Variants in SSPN observed in about 807,000 individuals in gnomAD.
The protein encoded by SSPN is sarcospan.
Under a neutral mutation model 19.1 loss-of-function variants are expected in SSPN, and 15 were observed. That is an observed-to-expected ratio of 0.78 (90% confidence interval 0.52 to 1.21). The LOEUF (loss-of-function observed/expected upper bound fraction) is 1.21, where lower values mean the gene tolerates loss of function less well. Ranked by LOEUF, SSPN falls within the 50% of genes most tolerant of loss-of-function variation. The pLI, the probability that SSPN is intolerant of heterozygous loss-of-function variation, is 0.00. For synonymous variants in SSPN, 147 were observed against 140.3 expected (o/e 1.05, Z -0.34); for missense variants, 291 against 314.0 (o/e 0.93, Z 0.55).
chr12:26,154,510 G>A (rs376080728), intron 1 of SSPN, among the ~76,000 whole-genome samples: 12 of 152,180 alleles, frequency 7.9e-5, no homozygotes, highest in Admixed American at 6.5e-4. Context: ...CTCTTAAGGG[G>A]CACTAAGCAG....
chr12:26,200,971 G>A (rs886497420), intron 1 of SSPN, among the ~76,000 whole-genome samples: 1 of 131,702 alleles, frequency 7.6e-6, no homozygotes, highest in Admixed American at 8.3e-5. Context: ...TATAAAAATG[G>A]AATGCAATTG....
rs183132774 is a variant in SSPN, at chr12:26,161,310, C to T, written c.-31+39158C>T. ...CCCTCACTCCATTCTACCCATATGG[C>T]CTGCTTGCTGTTTCTTGAACCCACC... On this transcript the variant is annotated intron_variant, in intron 1 of 2. Transcript: ENST00000538142. Among the ~76,000 whole-genome samples, 336 of 152,108 alleles carry T rather than the reference C, an allele frequency of 2.2e-3. 3 individuals are homozygous for T. The highest frequency in any genetic ancestry group is 7.9e-3 in the African/African-American group (329 of 41,494).
chr12:26,213,201 G>A (rs1459013133), intron 1 of SSPN, among the ~76,000 whole-genome samples: 1 of 152,052 alleles, frequency 6.6e-6, no homozygotes, highest in African/African-American at 2.4e-5. Flanking sequence ...ATGCAGCTGG[G>A]CATGGGACAT....
At chr12:26,123,786 C>T in intron 1 of SSPN, 1 of 1,316,716 alleles carries the variant, frequency 7.6e-7, no homozygotes, top group Non-Finnish European at 1.1e-6. Context: ...TACTTAAAAA[C>T]ACACATTTGG....
rs776822855 is a variant in SSPN at position 26,151,381 on chromosome 12, TA to T, written c.-31+29239del. 1.0e-3 allele frequency among the ~76,000 whole-genome samples: 150 copies of T among 149,402 alleles called. 1 individual carries two copies. In the East Asian group the frequency reaches 0.014, roughly 14 times the overall value. On this transcript the variant is annotated intron_variant, in intron 1 of 2. Transcript: ENST00000538142. ...CCCTATTTAGATCTCTTCTCAACCA[TA>T]AAAAAAAAATCACATGCATTGTGTT...
At chr12:26,177,048 A>G (rs1944688360) in intron 1 of SSPN, among the ~76,000 whole-genome samples, 1 of 152,198 alleles carries the variant, frequency 6.6e-6, no homozygotes, top group Non-Finnish European at 1.5e-5. Flanking sequence ...TTTATTCTTA[A>G]GGTAATAACA....
intron 1 of SSPN, among the ~76,000 whole-genome samples, chr12:26,204,178 C>T (rs571671673): frequency 6.6e-6 from 1 of 152,242 alleles, no homozygotes; most frequent in Admixed American, 6.5e-5. Flanking sequence ...TTTCTTGGAA[C>T]AGCTAGAAGT....
chr12:26,122,377 C>T, intron 1 of SSPN: 1 of 1,206,914 alleles, frequency 8.3e-7, no homozygotes, highest in African/African-American at 1.6e-5. Flanking sequence ...GCGGCAGCCG[C>T]CGCCGGGTAC....
rs528002473 is a variant in SSPN, at chr12:26,174,161, C to T, written c.-30-50132C>T. Among the ~76,000 whole-genome samples the T allele has an allele frequency of 1.1e-4, 16 of 152,196 alleles. No homozygotes were observed. In the East Asian group the frequency reaches 2.9e-3, roughly 28 times the overall value. ...AAAAATAAATCAGGAAACTTCTTTG[C>T]GGTAGCCATGAGAAATGTTAGGCAT... On this transcript the variant is annotated intron_variant, in intron 1 of 2. Coordinates refer to the SSPN transcript ENST00000538142.
Position 26,147,264 on chromosome 12 carries a change from G to GT in SSPN, c.-31+25112_-31+25113insT, listed in dbSNP as rs935820526. 4.8e-4 allele frequency among the ~76,000 whole-genome samples: 43 copies of GT among 90,152 alleles called. No individual in the cohort carries two copies. In the East Asian group the frequency reaches 0.014, roughly 30 times the overall value. 59.1% of individuals were successfully genotyped at this position (90,152 alleles called of 152,430 possible). On this transcript the variant is annotated intron_variant, in intron 1 of 2. Transcript: ENST00000538142. ...TGAGAAAATGAAAACGATAATTTTTGGGGTTTTTTTTGTGTTTTTTTTTTT... is the reference window on the plus strand; with the variant it reads ...TGAGAAAATGAAAACGATAATTTTTGTGGGTTTTTTTTGTGTTTTTTTTTTT...
intron 1 of SSPN, among the ~76,000 whole-genome samples, chr12:26,201,907 G>A (rs1166846188): frequency 6.6e-6 from 1 of 152,014 alleles, no homozygotes; most frequent in Non-Finnish European, 1.5e-5. Context: ...CATTATCAGA[G>A]CTTCTGTTTG....
At chr12:26,130,814 C>G (rs1464450503) in intron 1 of SSPN, among the ~76,000 whole-genome samples, 1 of 152,170 alleles carries the variant, frequency 6.6e-6, no homozygotes, top group South Asian at 2.1e-4. Flanking sequence ...TGCAAGATCA[C>G]CCCATGGTCA....
intron 2 of SSPN, among the ~76,000 whole-genome samples, chr12:26,225,924 A>G (rs192071868): frequency 3.9e-5 from 6 of 152,166 alleles, no homozygotes; most frequent in Admixed American, 3.9e-4. Flanking sequence ...CATCAGCTTA[A>G]GAGAGACCCC....
intron 1 of SSPN, among the ~76,000 whole-genome samples, chr12:26,196,593 T>A (rs7304717): frequency 0.99 from 151,494 of 152,346 alleles, 75,324 homozygotes; most frequent in Middle Eastern, 1. Context: ...TGTTCTAAGT[T>A]GAACAGTACT....
upstream of SSPN, among the ~76,000 whole-genome samples, chr12:26,194,980 C>A (rs892706704): frequency 6.6e-6 from 1 of 152,022 alleles, no homozygotes; most frequent in Non-Finnish European, 1.5e-5. Context: ...ACACAGTGAG[C>A]CCCTGTTTGG....
chr12:26,224,349 C>A lies in SSPN; in HGVS notation c.336C>A (p.Asp112Glu). 6.2e-7 allele frequency: 1 copy of A among 1,613,720 alleles called. No individual in the cohort carries two copies. Among genetic ancestry groups the A allele is most frequent in the Non-Finnish European group, 8.5e-7 (1 of 1,179,742 alleles). The change falls in exon 2 of 3, where the codon GAC becomes GAA. Residue 112 changes from aspartate (D) to glutamate (E), a missense_variant. Transcript: ENST00000242729. ...LFMLCVSYQV[D>E]ERTCIQFSMK... ...TGCTTTGTGTCTCATATCAGGTTGACGAACGGACATGTATTCAATTTTCTA... is the reference window on the plus strand; with the variant it reads ...TGCTTTGTGTCTCATATCAGGTTGAAGAACGGACATGTATTCAATTTTCTA...
intron 1 of SSPN, among the ~76,000 whole-genome samples, chr12:26,212,729 A>G (rs1348830280): frequency 1.3e-5 from 2 of 152,216 alleles, no homozygotes; most frequent in African/African-American, 2.4e-5. Flanking sequence ...TCTTCCAGAT[A>G]TATCATAGGC....
chr12:26,174,867 A>G (rs971129894), intron 1 of SSPN, among the ~76,000 whole-genome samples: 1 of 152,008 alleles, frequency 6.6e-6, no homozygotes, highest in African/African-American at 2.4e-5. Flanking sequence ...CTGCCTCTAT[A>G]GATTAGTTTG....
chr12:26,174,708 A>G (rs1944673913), intron 1 of SSPN, among the ~76,000 whole-genome samples: 1 of 151,960 alleles, frequency 6.6e-6, no homozygotes, highest in African/African-American at 2.4e-5. Context: ...TTTAGTAGAG[A>G]CGGGGTTTCA....
Sources: allele counts gnomAD v4.1 joint callset (sites outside exome capture counted in the v4.1 genomes callset), GRCh38; gene constraint gnomAD v4.1.1; transcripts MANE v1.5; gene names NCBI Gene and HGNC (gene_info 2026-07-23, HGNC 2026-07-21).